TUSC3: variants seen among roughly 807,000 people sequenced by gnomAD.
TUSC3 encodes tumor suppressor candidate 3.
Under a neutral mutation model 44.8 loss-of-function variants are expected in TUSC3, and 45 were observed. The ratio of observed to expected loss-of-function variants is 1.00; its 90% CI spans 0.79 to 1.29. The LOEUF (loss-of-function observed/expected upper bound fraction) is 1.29. Ranked by LOEUF, TUSC3 falls within the 50% of genes most tolerant of loss-of-function variation. The pLI is 0.00. For missense variants in TUSC3, 519 were observed against 437.9 expected (o/e 1.19, Z -1.65); for synonymous variants, 212 against 152.9 (o/e 1.39, Z -2.85).
At chr8:15,721,686 C>A (rs1486606043) in intron 6 of TUSC3, among the ~76,000 whole-genome samples, 1 of 151,972 alleles carries the variant, frequency 6.6e-6, no homozygotes, top group Non-Finnish European at 1.5e-5. Context: ...TTCAGTTTTT[C>A]TTTGTTACTG....
At chr8:15,714,289 G>T in intron 6 of TUSC3, among the ~76,000 whole-genome samples, 1 of 152,104 alleles carries the variant, frequency 6.6e-6, no homozygotes, top group East Asian at 1.9e-4. Context: ...AATAACAAGT[G>T]TAGCAGTATA....
chr8:15,700,708 T>A (rs900333082), intron 6 of TUSC3, among the ~76,000 whole-genome samples: 1 of 152,084 alleles, frequency 6.6e-6, no homozygotes, highest in Non-Finnish European at 1.5e-5. Flanking sequence ...TAGGAAATCA[T>A]GGAATGATTT....
chr8:15,430,168 C>A (rs1360108764), intron 1 of TUSC3, among the ~76,000 whole-genome samples: 2 of 145,814 alleles, frequency 1.4e-5, no homozygotes, highest in Non-Finnish European at 3.0e-5. Flanking sequence ...GGCAGAGACA[C>A]AACAAAAAAA....
At chr8:15,563,720 C>T (rs1332456045) in intron 1 of TUSC3, among the ~76,000 whole-genome samples, 2 of 139,452 alleles carry the variant, frequency 1.4e-5, no homozygotes, top group Admixed American at 7.1e-5. Flanking sequence ...AACCTGGAAC[C>T]TACAAAGGTG....
chr8:15,781,402 C>T, the TUSC3 span, among the ~76,000 whole-genome samples: 2 of 152,022 alleles, frequency 1.3e-5, no homozygotes, highest in Non-Finnish European at 2.9e-5. Context: ...GCAGTTTGGA[C>T]AAACAATGAA....
the TUSC3 span, among the ~76,000 whole-genome samples, chr8:15,830,615 A>G: frequency 1.3e-5 from 2 of 152,326 alleles, no homozygotes; most frequent in South Asian, 4.1e-4. Flanking sequence ...GTAGCAACAC[A>G]GGTAGAGGTG....
At chr8:15,500,699 A>G (rs1800950387) in intron 2 of TUSC3, among the ~76,000 whole-genome samples, 1 of 152,210 alleles carries the variant, frequency 6.6e-6, no homozygotes, top group Non-Finnish European at 1.5e-5. Context: ...AATCATTTAT[A>G]AGTTATTAAT....
rs1651952 is a variant in TUSC3 at position 15,661,968 on chromosome 8, T to C, written c.568-188T>C. On this transcript the variant is annotated intron_variant, in intron 4 of 10. Transcript: ENST00000503731. ...AGTCATCAGGGAAGTGCAAAGTCGT[T>C]TTACATAGCCATTATGTCTTAAGGC... is the stretch of plus-strand genomic sequence containing the variant. 5.9e-3 allele frequency among the ~76,000 whole-genome samples: 894 copies of C among 152,072 alleles called. 9 individuals carry two copies. Among genetic ancestry groups the C allele is most frequent in the African/African-American group, 0.02 (835 of 41,516 alleles).
At chr8:15,481,448 C>A (rs1026541492) in intron 1 of TUSC3, among the ~76,000 whole-genome samples, 2 of 151,964 alleles carry the variant, frequency 1.3e-5, no homozygotes, top group African/African-American at 4.8e-5. Context: ...GATGATGTGT[C>A]ACAAGAAGGC....
At chr8:15,639,785 T>TTG (rs1806278294) in intron 2 of TUSC3, among the ~76,000 whole-genome samples, 1 of 151,308 alleles carries the variant, frequency 6.6e-6, no homozygotes, top group African/African-American at 2.4e-5. Flanking sequence ...AAGAGTCGTT[T>TTG]TTTTTTTTTT....
At chr8:15,582,287 G>A (rs149365069) in intron 1 of TUSC3, among the ~76,000 whole-genome samples, 5,639 of 152,288 alleles carry the variant, frequency 0.037, 135 homozygotes, top group Non-Finnish European at 0.058. Context: ...CTCACGCTGG[G>A]AGCTGTAGAC....
intron 1 of TUSC3, among the ~76,000 whole-genome samples, chr8:15,464,716 G>A (rs919380120): frequency 5.3e-5 from 8 of 152,066 alleles, no homozygotes; most frequent in African/African-American, 1.9e-4. Context: ...TTTACTGTCT[G>A]TAAAGCAAAT....
the TUSC3 span, among the ~76,000 whole-genome samples, chr8:15,798,067 A>G: frequency 6.6e-6 from 1 of 152,218 alleles, no homozygotes; most frequent in African/African-American, 2.4e-5. Context: ...AACATAAGGT[A>G]CGGAGCTATT....
Position 15,735,929 on chromosome 8 carries a change from T to C in TUSC3, c.862+5200T>C, listed in dbSNP as rs112456906. On this transcript the variant is annotated intron_variant, in intron 7 of 10. Transcript: ENST00000503731. ...ATTTTTAGTAGAGACGGGGTTTCAC[T>C]GTGTTAGCCAGGATGGTCTCGATCT... 9.6e-3 allele frequency among the ~76,000 whole-genome samples: 1,454 copies of C among 150,934 alleles called. 23 individuals are homozygous for C. Among genetic ancestry groups the C allele is most frequent in the African/African-American group, 0.032 (1,298 of 41,102 alleles).
chr8:15,788,802 A>C, the TUSC3 span, among the ~76,000 whole-genome samples: 1 of 152,164 alleles, frequency 6.6e-6, no homozygotes, highest in Non-Finnish European at 1.5e-5. Flanking sequence ...CATCCTCATC[A>C]TTTCACACTA....
chr8:15,424,857 T>C (rs984892391), intron 1 of TUSC3, among the ~76,000 whole-genome samples: 2 of 149,760 alleles, frequency 1.3e-5, no homozygotes, highest in African/African-American at 5.0e-5. Context: ...CCAGCCTGGG[T>C]GACAGAGCGA....
chr8:15,525,887 G>A (rs1801367357), intron 2 of TUSC3, among the ~76,000 whole-genome samples: 1 of 152,164 alleles, frequency 6.6e-6, no homozygotes, highest in Non-Finnish European at 1.5e-5. Context: ...AAAGTACGTA[G>A]GAAAAGAAAC....
chr8:15,781,807 T>C, the TUSC3 span, among the ~76,000 whole-genome samples: 9 of 152,070 alleles, frequency 5.9e-5, no homozygotes, highest in Non-Finnish European at 1.3e-4. Context: ...CCAGAATCAC[T>C]CTGATACCAA....
intron 1 of TUSC3, among the ~76,000 whole-genome samples, chr8:15,611,134 C>G (rs1804743201): frequency 1.3e-5 from 2 of 151,868 alleles, no homozygotes; most frequent in South Asian, 4.1e-4. Flanking sequence ...GTATTTCTTT[C>G]TTTAATTTTT....
Sources: gnomAD v4.1 joint callset for allele counts (sites outside exome capture counted in the v4.1 genomes callset) on GRCh38, gnomAD v4.1.1 for gene constraint, MANE v1.5 for transcripts, NCBI Gene and HGNC (gene_info 2026-07-23, HGNC 2026-07-21) for gene names.